Variants in CPNE4 observed in about 807,000 individuals in gnomAD.
CPNE4 encodes the protein copine-4.
In CPNE4, 25 loss-of-function variants were observed where a neutral mutation model predicts 67.9. The observed-to-expected ratio is 0.37, with a 90% CI of 0.27 to 0.51. CPNE4 has a LOEUF of 0.51. Among genes scored for constraint, CPNE4 ranks in the 20% least tolerant of loss-of-function variants. The probability of loss-of-function intolerance (pLI) is 0.93; values close to 1 mark genes in which losing one functional copy is unlikely to be tolerated. For synonymous variants in CPNE4, 242 were observed against 244.9 expected, an observed-to-expected ratio of 0.99 and a Z score of 0.11; for missense variants, 464 against 690.8, an observed-to-expected ratio of 0.67 and a Z score of 3.68.
chr3:131,956,239 C>T (rs771760370), intron 1 of CPNE4, among the ~76,000 whole-genome samples: 2 of 151,998 alleles, frequency 1.3e-5, no homozygotes, highest in African/African-American at 2.4e-5. Context: ...AGAGTTGATG[C>T]CTTTTTTTTC....
intron 2 of CPNE4, among the ~76,000 whole-genome samples, chr3:131,880,394 G>A (rs537710888): frequency 6.6e-6 from 1 of 152,104 alleles, no homozygotes; most frequent in Non-Finnish European, 1.5e-5. Context: ...GATTACAGGC[G>A]TGAGCCACCA....
intron 10 of CPNE4, among the ~76,000 whole-genome samples, chr3:131,569,679 AAAGG>A (rs1359087843): frequency 6.6e-6 from 1 of 151,356 alleles, no homozygotes; most frequent in Non-Finnish European, 1.5e-5. Flanking sequence ...AAAAAAGAAG[AAAGG>A]AAGAAAGAAA....
At chr3:131,899,392 G>A (rs377048562) in intron 2 of CPNE4, among the ~76,000 whole-genome samples, 1 of 152,192 alleles carries the variant, frequency 6.6e-6, no homozygotes, top group South Asian at 2.1e-4. Flanking sequence ...GGAGTTTTAT[G>A]AAAAATCTCA....
chr3:131,727,959 T>C (rs1452718200), intron 2 of CPNE4, among the ~76,000 whole-genome samples: 2 of 152,250 alleles, frequency 1.3e-5, no homozygotes, highest in Non-Finnish European at 1.5e-5. Flanking sequence ...CAATTACAGA[T>C]GGACATTTGA....
chr3:131,728,247 C>T (rs2082043617), intron 2 of CPNE4, among the ~76,000 whole-genome samples: 1 of 152,130 alleles, frequency 6.6e-6, no homozygotes, highest in Admixed American at 6.6e-5. Flanking sequence ...TTTTGACAAG[C>T]ACTCTGTTTT....
intron 1 of CPNE4, among the ~76,000 whole-genome samples, chr3:131,942,739 T>C (rs1036785024): frequency 2.0e-5 from 3 of 152,096 alleles, no homozygotes; most frequent in Non-Finnish European, 4.4e-5. Context: ...AAATTCTTCC[T>C]CTCTTCGAAT....
intron 2 of CPNE4, among the ~76,000 whole-genome samples, chr3:131,853,892 T>G (rs2086334075): frequency 6.6e-6 from 1 of 151,890 alleles, no homozygotes; most frequent in South Asian, 2.1e-4. Context: ...CAATATCAAA[T>G]GCTGGCATGC....
At chr3:131,537,913 A>G (rs1935251920) in intron 15 of CPNE4, among the ~76,000 whole-genome samples, 1 of 152,124 alleles carries the variant, frequency 6.6e-6, no homozygotes, top group Admixed American at 6.5e-5. Context: ...TCTTGACACT[A>G]TTGACATTTG....
intron 2 of CPNE4, among the ~76,000 whole-genome samples, chr3:131,763,992 A>C (rs114281948): frequency 1.1e-4 from 17 of 152,212 alleles, no homozygotes; most frequent in African/African-American, 3.4e-4. Flanking sequence ...TTTAATCCTC[A>C]TAACAACCCT....
intron 2 of CPNE4, among the ~76,000 whole-genome samples, chr3:131,768,522 A>C (rs1408802701): frequency 1.3e-5 from 2 of 152,102 alleles, no homozygotes; most frequent in Non-Finnish European, 2.9e-5. Context: ...TGTAGTACTT[A>C]AAGGACTTTG....
intron 2 of CPNE4, among the ~76,000 whole-genome samples, chr3:131,758,665 T>C (rs1350963415): frequency 6.6e-6 from 1 of 152,086 alleles, no homozygotes; most frequent in Non-Finnish European, 1.5e-5. Context: ...CTGGGGCAGA[T>C]TGATGTGGTT....
intron 4 of CPNE4, among the ~76,000 whole-genome samples, chr3:131,699,090 T>A (rs1302647589): frequency 6.6e-6 from 1 of 152,134 alleles, no homozygotes; most frequent in Non-Finnish European, 1.5e-5. Flanking sequence ...ACTCCATACA[T>A]CCAAATGGTT....
At chr3:131,728,521 G>T (rs1281627717) in intron 2 of CPNE4, among the ~76,000 whole-genome samples, 1 of 152,182 alleles carries the variant, frequency 6.6e-6, no homozygotes, top group Non-Finnish European at 1.5e-5. Context: ...GATAGGGAAA[G>T]TCAATGATTG....
chr3:131,962,856 A>C (rs1251916428), intron 1 of CPNE4, among the ~76,000 whole-genome samples: 2 of 152,202 alleles, frequency 1.3e-5, no homozygotes, highest in East Asian at 1.9e-4. Flanking sequence ...CCCTGCTTAG[A>C]ATAATAAATA....
intron 7 of CPNE4, among the ~76,000 whole-genome samples, chr3:131,664,882 A>T (rs536114001): frequency 5.3e-5 from 8 of 152,296 alleles, no homozygotes; most frequent in East Asian, 1.9e-4. Flanking sequence ...TAGTAGTGTA[A>T]TGCCTTTATG....
chr3:131,917,011 A>G (rs919922046), intron 1 of CPNE4, among the ~76,000 whole-genome samples: 3 of 152,164 alleles, frequency 2.0e-5, no homozygotes, highest in African/African-American at 7.2e-5. Context: ...GCTTTTCATC[A>G]TCTGCCAGTG....
chr3:131,690,160 C>T (rs2081000642), intron 5 of CPNE4, among the ~76,000 whole-genome samples: 1 of 151,916 alleles, frequency 6.6e-6, no homozygotes, highest in Non-Finnish European at 1.5e-5. Flanking sequence ...AAACTATAAA[C>T]ATAGTTTTCA....
At chr3:131,782,989 G>T (rs1487854353) in intron 2 of CPNE4, among the ~76,000 whole-genome samples, 1 of 152,020 alleles carries the variant, frequency 6.6e-6, no homozygotes, top group East Asian at 1.9e-4. Flanking sequence ...GCTTATCATG[G>T]TTTAAGAATC....
intron 2 of CPNE4, among the ~76,000 whole-genome samples, chr3:131,797,360 T>C (rs2083945596): frequency 6.6e-6 from 1 of 152,186 alleles, no homozygotes; most frequent in Admixed American, 6.5e-5. Context: ...TTTTGAAGCA[T>C]GAAGGGACCA....
Sources: gnomAD v4.1 joint callset for allele counts (sites outside exome capture counted in the v4.1 genomes callset) on GRCh38, gnomAD v4.1.1 for gene constraint, MANE v1.5 for transcripts, NCBI Gene and HGNC (gene_info 2026-07-23, HGNC 2026-07-21) for gene names.